CLN6: variants seen among roughly 807,000 people sequenced by gnomAD.
CLN6 encodes the protein CLN6 transmembrane ER protein, also known as ceroid-lipofuscinosis neuronal protein 6.
In CLN6, 22 loss-of-function variants were observed where a neutral mutation model predicts 33.3. The ratio of observed to expected loss-of-function variants is 0.66; its 90% CI spans 0.47 to 0.94. CLN6 has a LOEUF of 0.94. Ranked by LOEUF, CLN6 falls within the 40% of genes least tolerant of loss-of-function variation. The probability of loss-of-function intolerance (pLI) is 0.00; values close to 1 mark genes in which losing one functional copy is unlikely to be tolerated. For missense variants in CLN6, 387 were observed against 417.1 expected, an observed-to-expected ratio of 0.93 and a Z score of 0.63; for synonymous variants, 201 against 174.6, an observed-to-expected ratio of 1.15 and a Z score of -1.19.
rs1304851349 is a variant in CLN6 at position 68,247,472 on chromosome 15, G to A, written c.179+9218C>T. Reference sequence around the variant, plus strand: ...AAACCTAGGAATAAATTTAACCGAAGAGGAGAAAGATCTCTTCAAGGAAAA... The same window carrying A: ...AAACCTAGGAATAAATTTAACCGAAAAGGAGAAAGATCTCTTCAAGGAAAA... On this transcript the variant is annotated intron_variant, in intron 1 of 6. Transcript: ENST00000538696. The surrounding 1 kb of genome is among the most constrained non-coding windows in gnomAD (Gnocchi z 4.2). Among the ~76,000 whole-genome samples the A allele has an allele frequency of 6.6e-6, 1 of 152,016 alleles. No individual in the cohort carries two copies.
At chr15:68,245,515 A>T (rs1391027193) in intron 1 of CLN6, among the ~76,000 whole-genome samples, 1 of 152,082 alleles carries the variant, frequency 6.6e-6, no homozygotes, top group Non-Finnish European at 1.5e-5. Flanking sequence ...GCAGTGAGCC[A>T]TGATTGCACC....
At chr15:68,218,893 G>T (rs996576513) in intron 1 of CLN6, among the ~76,000 whole-genome samples, 1 of 152,180 alleles carries the variant, frequency 6.6e-6, no homozygotes, top group Non-Finnish European at 1.5e-5. Flanking sequence ...CTGAACAGGT[G>T]TAATTGCTGG....
At chr15:68,233,045 A>G (rs1288143149), upstream of CLN6, among the ~76,000 whole-genome samples, 4 of 152,126 alleles carry the variant, frequency 2.6e-5, no homozygotes, top group Non-Finnish European at 5.9e-5. This position sits in a 1 kb window ranked among gnomAD's most constrained non-coding sequence, Gnocchi z 4.3. Context: ...TCAGTCTCAA[A>G]ATAAATAAAT....
chr15:68,216,593 T>A (rs894931655), intron 2 of CLN6, among the ~76,000 whole-genome samples: 5 of 152,212 alleles, frequency 3.3e-5, no homozygotes, highest in Non-Finnish European at 7.3e-5. Context: ...TAGGAACCTT[T>A]TTTCTCCTTA....
chr15:68,214,262 G>C, intron 3 of CLN6, 28 bp downstream of exon 3: 1 of 1,533,042 alleles, frequency 6.5e-7, no homozygotes, highest in Non-Finnish European at 9.0e-7. Context: ...GGGGATGACA[G>C]GAGAGAGTGG....
rs199634189 is a variant in CLN6, at chr15:68,208,453, C to G, written c.666-43G>C. On this transcript the variant is annotated intron_variant, in intron 6 of 6. Coordinates refer to ENST00000249806, the MANE Select transcript of CLN6 (RefSeq NM_017882.3). The surrounding 1 kb of genome is among the most constrained non-coding windows in gnomAD (Gnocchi z 5.8). Reference sequence around the variant, plus strand: ...GAGTGAGGCAGCTGCCGTGGCAACCCCGTCCTGCCTGGCATCCCTTCCTGT... The same window carrying G: ...GAGTGAGGCAGCTGCCGTGGCAACCGCGTCCTGCCTGGCATCCCTTCCTGT... The G allele has an allele frequency of 3.1e-6, 5 of 1,608,892 alleles. No individual in the cohort carries two copies. The highest frequency in any genetic ancestry group is 3.3e-5 in the Admixed American group (2 of 59,772).
At chr15:68,226,310 C>T (rs2141153171) in intron 1 of CLN6, among the ~76,000 whole-genome samples, 1 of 141,540 alleles carries the variant, frequency 7.1e-6, no homozygotes, top group East Asian at 2.1e-4. Flanking sequence ...CAGTGTGAGA[C>T]TCCATCTCAA....
chr15:68,214,613 C>G (rs2093215701), intron 2 of CLN6: 2 of 518,070 alleles, frequency 3.9e-6, no homozygotes, highest in South Asian at 3.8e-5. Flanking sequence ...GGACTTGTCC[C>G]CAGACACAGA....
upstream of CLN6, chr15:68,229,812 G>C (rs1272629472): frequency 1.6e-5 from 3 of 183,006 alleles, no homozygotes; most frequent in East Asian, 8.3e-4. Flanking sequence ...GGCGGGCTCC[G>C]CTAGGGGAGG....
chr15:68,209,971 A>C lies in CLN6; in HGVS notation c.543-212T>G, dbSNP rs368586790. 2.6e-4 allele frequency among the ~76,000 whole-genome samples: 39 copies of C among 152,228 alleles called. No individual in the cohort carries two copies. In the East Asian group the frequency reaches 3.9e-3, roughly 15 times the overall value. ...GAAACAGGAAGGCAACGCACGTGTG[A>C]GTCAGAGGCCCAGAGGCATCCACAC... On this transcript the variant is annotated intron_variant, in intron 5 of 6. Transcript: ENST00000249806. This position sits in a 1 kb window ranked among gnomAD's most constrained non-coding sequence, Gnocchi z 4.9.
Position 68,209,702 on chromosome 15 carries a change from A to C in CLN6, c.600T>G (p.Ser200=). The change falls in exon 6 of 7, where the codon TCT becomes TCG. Residue 200 remains serine, a synonymous_variant. Transcript: ENST00000249806. This position sits in a 1 kb window ranked among gnomAD's most constrained non-coding sequence, Gnocchi z 4.9. Reference sequence around the variant, plus strand: ...GCCCTGGAATCAAGCTCTCAGCTTTAGAGGCAGTAAAGCAGCCGCTGAAGT... The same window carrying C: ...GCCCTGGAATCAAGCTCTCAGCTTTCGAGGCAGTAAAGCAGCCGCTGAAGT... ...FMYFSGCFTA[S]KAESLIPGPA... 2 of 1,613,844 alleles carry C rather than the reference A, an allele frequency of 1.2e-6. No individual in the cohort carries two copies. The highest frequency in any genetic ancestry group is 2.7e-5 in the African/African-American group (2 of 75,040).
At chr15:68,249,732 G>A (rs546015954) in intron 1 of CLN6, among the ~76,000 whole-genome samples, 6 of 152,252 alleles carry the variant, frequency 3.9e-5, no homozygotes, top group Admixed American at 6.5e-5. Context: ...CCTGATATTC[G>A]ATAAGGTGAC....
At chr15:68,229,767 A>AGCGAG (rs1555440248), upstream of CLN6, 1 of 317,896 alleles carries the variant, frequency 3.1e-6, no homozygotes, top group Non-Finnish European at 5.5e-6. Flanking sequence ...AGCGGAGCGG[A>AGCGAG]GCGGAGCGGA....
At chr15:68,240,891 G>A (rs1892274214) in intron 1 of CLN6, among the ~76,000 whole-genome samples, 1 of 151,596 alleles carries the variant, frequency 6.6e-6, no homozygotes, top group African/African-American at 2.4e-5. Context: ...GGCTGAGACA[G>A]GAGAATCGCT....
chr15:68,208,095 C>CG lies in CLN6; in HGVS notation c.*44_*45insC. On this transcript the variant is annotated 3_prime_UTR_variant, in exon 7 of 7. Transcript: ENST00000249806. This position sits in a 1 kb window ranked among gnomAD's most constrained non-coding sequence, Gnocchi z 5.8. ...TCCTGTATTCAGATGCCCTCCATGG[C>CG]CCACCCTCCCACCCAGCAGAGCGCC... 6 of 527,232 alleles carry CG rather than the reference C, an allele frequency of 1.1e-5. No homozygotes were observed. Among genetic ancestry groups the CG allele is most frequent in the Non-Finnish European group, 2.1e-5 (6 of 279,710 alleles). 32.7% of individuals were successfully genotyped at this position (527,232 alleles called of 1,614,324 possible). A position where few individuals can be genotyped will look rare whatever the true frequency, so the allele number is the denominator to read the frequency against.
chr15:68,218,082 T>C (rs926861094), intron 2 of CLN6: 1 of 206,752 alleles, frequency 4.8e-6, no homozygotes, highest in South Asian at 8.7e-5. Flanking sequence ...CTCACAGTCA[T>C]ATATAATATG....
At chr15:68,249,826 T>C (rs1299803066) in intron 1 of CLN6, among the ~76,000 whole-genome samples, 3 of 152,180 alleles carry the variant, frequency 2.0e-5, no homozygotes, top group African/African-American at 4.8e-5. Context: ...CAGGCTGGAG[T>C]GCAATGGCGT....
chr15:68,217,781 C>T (rs2093224451), intron 2 of CLN6, among the ~76,000 whole-genome samples: 1 of 152,146 alleles, frequency 6.6e-6, no homozygotes, highest in African/African-American at 2.4e-5. Context: ...TCACACTGTG[C>T]CCCCACTACC....
Position 68,246,508 on chromosome 15 carries a change from T to A in CLN6, c.179+10182A>T, listed in dbSNP as rs1254595393. On this transcript the variant is annotated intron_variant, in intron 1 of 6. Transcript: ENST00000538696. The surrounding 1 kb of genome is among the most constrained non-coding windows in gnomAD (Gnocchi z 4.5). ...GAAATTAAAAAGAAAATTTAAAAAA[T>A]TTTTCAAACGAATCAAAATGGAAAT... 6.6e-6 allele frequency among the ~76,000 whole-genome samples: 1 copy of A among 152,064 alleles called. No homozygotes were observed. The highest frequency in any genetic ancestry group is 3.4e-3 in the Middle Eastern group (1 of 294).
Sources: allele counts gnomAD v4.1 joint callset (sites outside exome capture counted in the v4.1 genomes callset), GRCh38; gene constraint gnomAD v4.1.1; non-coding constraint Gnocchi (gnomAD v3.1); transcripts MANE v1.5; gene names NCBI Gene and HGNC (gene_info 2026-07-23, HGNC 2026-07-21).